Variants in BRINP3 observed in about 807,000 individuals in gnomAD.
The protein encoded by BRINP3 is BMP/retinoic acid inducible neural specific 3, also known as BMP/retinoic acid-inducible neural-specific protein 3.
In BRINP3, 19 loss-of-function variants were observed where a neutral mutation model predicts 71.0. That is an observed-to-expected ratio of 0.27 (90% CI 0.19 to 0.39). The LOEUF is 0.39. BRINP3 is among the 10% of genes least tolerant of loss of function. The probability of loss-of-function intolerance (pLI) is 1.00; values close to 1 mark genes in which losing one functional copy is unlikely to be tolerated. For synonymous variants in BRINP3, 380 were observed against 337.7 expected, an observed-to-expected ratio of 1.13 and a Z score of -1.37; for missense variants, 959 against 940.8, an observed-to-expected ratio of 1.02 and a Z score of -0.25.
intron 2 of BRINP3, among the ~76,000 whole-genome samples, chr1:190,423,943 C>G (rs1673540456): frequency 6.6e-6 from 1 of 151,726 alleles, no homozygotes; most frequent in Admixed American, 6.6e-5. Flanking sequence ...TTCAGACTTG[C>G]TCATAACCTG....
chr1:190,453,422 T>C (rs1031883795), intron 2 of BRINP3, among the ~76,000 whole-genome samples: 4 of 151,540 alleles, frequency 2.6e-5, no homozygotes, highest in Non-Finnish European at 5.9e-5. Context: ...GGTTTCACCA[T>C]GTTGGAAGAT....
intron 2 of BRINP3, among the ~76,000 whole-genome samples, chr1:190,453,303 C>T (rs1286434018): frequency 7.1e-6 from 1 of 140,372 alleles, no homozygotes; most frequent in African/African-American, 2.6e-5. Flanking sequence ...TCACTGCAAG[C>T]TCCACCTCCC....
chr1:190,310,389 G>A lies in BRINP3; in HGVS notation c.237-28639C>T, dbSNP rs146894932. 5.5e-3 allele frequency among the ~76,000 whole-genome samples: 828 copies of A among 151,686 alleles called. 5 individuals are homozygous for A. Among genetic ancestry groups the A allele is most frequent in the African/African-American group, 0.018 (758 of 41,478 alleles). ...GTGATCAAGATTAATTCAAGTGCTAGTCAAATACAACAAAGTTAAACTACA... is the reference window on the plus strand; with the variant it reads ...GTGATCAAGATTAATTCAAGTGCTAATCAAATACAACAAAGTTAAACTACA... On this transcript the variant is annotated intron_variant, in intron 2 of 7. Transcript: ENST00000367462.
intron 2 of BRINP3, among the ~76,000 whole-genome samples, chr1:190,365,511 T>A (rs945248232): frequency 4.0e-5 from 6 of 148,486 alleles, no homozygotes; most frequent in African/African-American, 1.5e-4. Flanking sequence ...ATTAATATGA[T>A]AATTATATTA....
intron 2 of BRINP3, among the ~76,000 whole-genome samples, chr1:190,429,303 G>A (rs1335075249): frequency 6.6e-6 from 1 of 152,088 alleles, no homozygotes; most frequent in Non-Finnish European, 1.5e-5. Flanking sequence ...TAAATGTATA[G>A]CACTAGAAAA....
chr1:190,145,174 C>A lies in BRINP3; in HGVS notation c.1184+15494G>T, dbSNP rs144991514. ...TATACATTATATATAATCTCTCTCT[C>A]TATAAAATTGCACAGGCTGATGTAT... On this transcript the variant is annotated intron_variant, in intron 7 of 7. Transcript: ENST00000367462. Among the ~76,000 whole-genome samples, 52 of 152,192 alleles carry A rather than the reference C, an allele frequency of 3.4e-4. No homozygotes were observed. The East Asian group carries it at 6.2e-3, about 18-fold the overall frequency.
At chr1:190,235,327 A>T (rs1394047058) in intron 4 of BRINP3, among the ~76,000 whole-genome samples, 4 of 152,082 alleles carry the variant, frequency 2.6e-5, no homozygotes, top group African/African-American at 9.7e-5. Context: ...AATGAATTTT[A>T]TGAGGCTGAA....
intron 7 of BRINP3, among the ~76,000 whole-genome samples, chr1:190,141,066 A>ACC (rs755563168): frequency 3.2e-4 from 48 of 152,288 alleles, no homozygotes; most frequent in South Asian, 6.2e-4. Flanking sequence ...AATATTCTTG[A>ACC]AAGAATCCCT....
intron 7 of BRINP3, among the ~76,000 whole-genome samples, chr1:190,144,456 T>C (rs1655714865): frequency 6.6e-6 from 1 of 152,068 alleles, no homozygotes; most frequent in Non-Finnish European, 1.5e-5. Flanking sequence ...CTACAGAAAT[T>C]TCAACCCATT....
chr1:190,430,443 C>A (rs1674019994), intron 2 of BRINP3, among the ~76,000 whole-genome samples: 1 of 151,976 alleles, frequency 6.6e-6, no homozygotes, highest in Non-Finnish European at 1.5e-5. Flanking sequence ...AGATTCAATC[C>A]TACAATGTGG....
intron 4 of BRINP3, among the ~76,000 whole-genome samples, chr1:190,249,038 T>C (rs1245146934): frequency 1.3e-5 from 2 of 151,832 alleles, no homozygotes; most frequent in Admixed American, 6.6e-5. Context: ...CCTCAGAGTA[T>C]GTGTTGCTAT....
chr1:190,409,746 TAAG>T (rs1672539822), intron 2 of BRINP3, among the ~76,000 whole-genome samples: 1 of 152,076 alleles, frequency 6.6e-6, no homozygotes, highest in Non-Finnish European at 1.5e-5. Flanking sequence ...GAGCAGACCA[TAAG>T]AAGAACTGAA....
intron 2 of BRINP3, among the ~76,000 whole-genome samples, chr1:190,385,066 A>C (rs1008059615): frequency 3.9e-5 from 6 of 152,060 alleles, no homozygotes; most frequent in African/African-American, 9.7e-5. Flanking sequence ...ACAAAAATCA[A>C]TTCAAGATGG....
chr1:190,213,917 A>C (rs1165830844), intron 6 of BRINP3, among the ~76,000 whole-genome samples: 1 of 152,074 alleles, frequency 6.6e-6, no homozygotes, highest in Non-Finnish European at 1.5e-5. Flanking sequence ...ATGAAGTTTA[A>C]AATTTAAAAT....
At chr1:190,124,666 A>C (rs1302906349) in intron 7 of BRINP3, among the ~76,000 whole-genome samples, 1 of 152,106 alleles carries the variant, frequency 6.6e-6, no homozygotes, top group Non-Finnish European at 1.5e-5. Flanking sequence ...TTTTGAACAC[A>C]AAACATCATA....
chr1:190,210,501 C>T (rs749605752), intron 6 of BRINP3, among the ~76,000 whole-genome samples: 73 of 151,914 alleles, frequency 4.8e-4, no homozygotes, highest in African/African-American at 1.5e-3. Flanking sequence ...TGAAAACAAT[C>T]CTTTACAATA....
chr1:190,374,020 G>A (rs149932815), intron 2 of BRINP3, among the ~76,000 whole-genome samples: 154 of 151,620 alleles, frequency 1.0e-3, no homozygotes, highest in Non-Finnish European at 1.6e-3. Flanking sequence ...ACACTTAGGG[G>A]CATGGTCTTA....
At chr1:190,101,581 C>T (rs1651704362) in intron 7 of BRINP3, among the ~76,000 whole-genome samples, 1 of 152,030 alleles carries the variant, frequency 6.6e-6, no homozygotes, top group South Asian at 2.1e-4. Context: ...TTCATTGCTA[C>T]CTTTCTCTTT....
chr1:190,319,302 T>G (rs946315951), intron 2 of BRINP3, among the ~76,000 whole-genome samples: 2 of 152,116 alleles, frequency 1.3e-5, no homozygotes, highest in Non-Finnish European at 2.9e-5. Flanking sequence ...CTGGCATATC[T>G]TCTTCCTTCA....
Sources: gnomAD v4.1 joint callset for allele counts (sites outside exome capture counted in the v4.1 genomes callset) on GRCh38, gnomAD v4.1.1 for gene constraint, MANE v1.5 for transcripts, NCBI Gene and HGNC (gene_info 2026-07-23, HGNC 2026-07-21) for gene names.